Variants in GALNT14 observed in about 807,000 individuals in gnomAD.
GALNT14 encodes UDP-GalNAc:polypeptide N-acetylgalactosaminyltransferase 14.
In GALNT14, 60 loss-of-function variants were observed where a neutral mutation model predicts 77.5. The ratio of observed to expected loss-of-function variants is 0.77; its 90% CI spans 0.63 to 0.96. The LOEUF (loss-of-function observed/expected upper bound fraction) is 0.96. Ranked by LOEUF, GALNT14 falls within the 40% of genes least tolerant of loss-of-function variation. The pLI is 0.00. For synonymous variants in GALNT14, 280 were observed against 281.7 expected (o/e 0.99, Z 0.06); for missense variants, 710 against 731.0 (o/e 0.97, Z 0.33).
chr2:31,045,448 C>T (rs755869038), intron 1 of GALNT14, among the ~76,000 whole-genome samples: 1 of 152,054 alleles, frequency 6.6e-6, no homozygotes, highest in Non-Finnish European at 1.5e-5. Context: ...ATGACCCCTC[C>T]CCCATTTTCA....
At position 30,943,511 on chromosome 2, in the gene GALNT14, G is replaced by C. The variant is rs532431416; in HGVS notation, c.828-1207C>G. On this transcript the variant is annotated intron_variant, in intron 8 of 14. Transcript: ENST00000349752. ...ACTGGCTTCATCCTGGGAAACAAGT[G>C]CCCTCTGATGAGCAGAGCTATCCCA... 1.3e-3 allele frequency among the ~76,000 whole-genome samples: 195 copies of C among 152,254 alleles called. 1 individual carries two copies. The highest frequency in any genetic ancestry group is 4.6e-3 in the African/African-American group (193 of 41,546).
intron 1 of GALNT14, among the ~76,000 whole-genome samples, chr2:31,067,379 G>A (rs1675044193): frequency 6.6e-6 from 1 of 152,168 alleles, no homozygotes; most frequent in Non-Finnish European, 1.5e-5. Flanking sequence ...GAGAGTCTGG[G>A]AATGCCGTGC....
At chr2:31,080,575 G>T (rs1676096746) in intron 1 of GALNT14, among the ~76,000 whole-genome samples, 2 of 152,302 alleles carry the variant, frequency 1.3e-5, no homozygotes, top group South Asian at 2.1e-4. Context: ...TCACTACTTT[G>T]CAGAGAGGAA....
the GALNT14 span, among the ~76,000 whole-genome samples, chr2:30,887,979 C>T: frequency 6.6e-6 from 1 of 152,250 alleles, no homozygotes; most frequent in South Asian, 2.1e-4. Flanking sequence ...TCTGCTGGCA[C>T]TTGTCCTTGA....
At chr2:31,024,791 T>C (rs780294221) in intron 1 of GALNT14, among the ~76,000 whole-genome samples, 1 of 152,174 alleles carries the variant, frequency 6.6e-6, no homozygotes, top group Non-Finnish European at 1.5e-5. Context: ...GCTGAACAAA[T>C]ACCAGGCCCA....
chr2:31,058,734 C>G (rs756476989), intron 1 of GALNT14, among the ~76,000 whole-genome samples: 1 of 152,186 alleles, frequency 6.6e-6, no homozygotes. Flanking sequence ...ACACAACGTC[C>G]CATGACATCT....
intron 1 of GALNT14, among the ~76,000 whole-genome samples, chr2:31,072,272 C>CAT (rs1209305678): frequency 7.0e-5 from 3 of 42,910 alleles, no homozygotes; most frequent in African/African-American, 2.0e-4. Flanking sequence ...CTCACACACA[C>CAT]ACACACACAT....
chr2:31,091,119 A>G (rs1442185832), intron 1 of GALNT14, among the ~76,000 whole-genome samples: 1 of 152,186 alleles, frequency 6.6e-6, no homozygotes, highest in African/African-American at 2.4e-5. Context: ...AGGACCCTAA[A>G]CGACAGAATA....
chr2:31,132,811 A>C lies in GALNT14; in HGVS notation c.129+5147T>G, dbSNP rs1202984551. 2.6e-5 allele frequency: 12 copies of C among 458,240 alleles called. No homozygotes were observed. In the East Asian group the frequency reaches 8.4e-4, roughly 32 times the overall value. 28.4% of individuals were successfully genotyped at this position (458,240 alleles called of 1,614,324 possible). On this transcript the variant is annotated intron_variant, in intron 1 of 14. Transcript: ENST00000349752. ...GGACTAACGAATTAGCCATAAGATT[A>C]AAAATGATGGTTTAGGAGTCATGCA...
At chr2:30,969,694 A>G (rs79017413) in intron 2 of GALNT14, among the ~76,000 whole-genome samples, 3,453 of 152,250 alleles carry the variant, frequency 0.023, 145 homozygotes, top group East Asian at 0.21. Flanking sequence ...AACTAGACCT[A>G]CAGACCACGT....
chr2:31,019,180 A>T (rs919898286), intron 1 of GALNT14, among the ~76,000 whole-genome samples: 2 of 152,160 alleles, frequency 1.3e-5, no homozygotes, highest in Non-Finnish European at 2.9e-5. Context: ...CTGGGACAGA[A>T]GCCCCAGAGT....
intron 9 of GALNT14, among the ~76,000 whole-genome samples, chr2:30,940,411 C>T (rs535709187): frequency 7.2e-5 from 11 of 152,312 alleles, no homozygotes; most frequent in African/African-American, 2.6e-4. Context: ...TTCAAGAGGG[C>T]ACTACAAGCC....
intron 1 of GALNT14, among the ~76,000 whole-genome samples, chr2:31,042,699 G>T (rs560003908): frequency 1.3e-5 from 2 of 152,184 alleles, no homozygotes; most frequent in Non-Finnish European, 2.9e-5. Flanking sequence ...TCAGGAAATC[G>T]CACTGGTTCT....
At chr2:30,905,193 A>G in the GALNT14 span, among the ~76,000 whole-genome samples, 10 of 152,308 alleles carry the variant, frequency 6.6e-5, no homozygotes, top group East Asian at 1.2e-3. Context: ...CACCAGCAAC[A>G]GAACAAAGCT....
chr2:30,907,517 T>C (rs1664176087), downstream of GALNT14, among the ~76,000 whole-genome samples: 1 of 152,118 alleles, frequency 6.6e-6, no homozygotes, highest in Admixed American at 6.5e-5. Context: ...CAGGAAGAAG[T>C]TGAATCTCGG....
At chr2:31,122,490 C>T (rs1022118221) in intron 1 of GALNT14, among the ~76,000 whole-genome samples, 10 of 152,200 alleles carry the variant, frequency 6.6e-5, no homozygotes, top group African/African-American at 2.4e-4. Flanking sequence ...CGTGAGCAAG[C>T]ACATCATCTA....
At chr2:30,943,163 G>A (rs556322657) in intron 8 of GALNT14, among the ~76,000 whole-genome samples, 53 of 152,268 alleles carry the variant, frequency 3.5e-4, no homozygotes, top group Non-Finnish European at 4.6e-4. Context: ...AAGCAGCCCC[G>A]TGTGTGGTAT....
chr2:31,028,642 G>A (rs906232996), intron 1 of GALNT14, among the ~76,000 whole-genome samples: 2 of 152,222 alleles, frequency 1.3e-5, no homozygotes, highest in African/African-American at 4.8e-5. Context: ...GCGGGGTAGC[G>A]GTGAAACACC....
At chr2:31,119,002 C>G (rs973055092) in intron 1 of GALNT14, among the ~76,000 whole-genome samples, 1 of 151,952 alleles carries the variant, frequency 6.6e-6, no homozygotes, top group Non-Finnish European at 1.5e-5. Flanking sequence ...GATGTTGACA[C>G]AAATGACTAT....
Sources: gnomAD v4.1 joint callset for allele counts (sites outside exome capture counted in the v4.1 genomes callset) on GRCh38, gnomAD v4.1.1 for gene constraint, MANE v1.5 for transcripts, NCBI Gene and HGNC (gene_info 2026-07-23, HGNC 2026-07-21) for gene names.